The following LRBA variants were observed in gnomAD, a reference collection of about 807,000 sequenced individuals.
LRBA encodes lipopolysaccharide-responsive and beige-like anchor protein.
A neutral mutation model predicts 330.0 loss-of-function variants in LRBA; 176 were observed. The observed-to-expected ratio is 0.53, with a 90% CI of 0.47 to 0.60. The LOEUF (loss-of-function observed/expected upper bound fraction) is 0.60, where lower values mean the gene tolerates loss of function less well. LRBA is among the 20% of genes least tolerant of loss of function. The pLI, the probability that LRBA is intolerant of heterozygous loss-of-function variation, is 0.00. For synonymous variants in LRBA, 1,230 were observed against 1,193.0 expected (o/e 1.03, Z -0.64); for missense variants, 3,259 against 3,444.8 (o/e 0.95, Z 1.35).
At chr4:150,889,326 G>C (rs997416428) in intron 17 of LRBA, among the ~76,000 whole-genome samples, 1 of 151,738 alleles carries the variant, frequency 6.6e-6, no homozygotes, top group Non-Finnish European at 1.5e-5. Flanking sequence ...GGCATAAATG[G>C]CTTAAATGTT....
At chr4:150,306,198 G>A (rs750268622) in intron 52 of LRBA, among the ~76,000 whole-genome samples, 18 of 151,970 alleles carry the variant, frequency 1.2e-4, no homozygotes, top group Non-Finnish European at 2.4e-4. Context: ...GTTGTGGCCC[G>A]AAAACATGAT....
Position 150,893,083 on chromosome 4 carries a change from TCATAGA to T in LRBA, c.2128_2133del (p.Ser710_Met711del). 1.2e-6 allele frequency: 2 copies of T among 1,611,988 alleles called. No homozygotes were observed. The highest frequency in any genetic ancestry group is 8.5e-7 in the Non-Finnish European group (1 of 1,178,670). ...CCATTCCTTTGGTCAAAAGCAGGAA[TCATAGA>T]GTTAGGGTGTTCTGACATTAATGCA... is the stretch of plus-strand genomic sequence containing the variant. On this transcript the variant is annotated inframe_deletion, in exon 17 of 57. Transcript: ENST00000651943.
chr4:150,583,992 G>C lies in LRBA; in HGVS notation c.6330+4056C>G. 6.2e-7 allele frequency: 1 copy of C among 1,614,126 alleles called. No individual in the cohort carries two copies. The highest frequency in any genetic ancestry group is 1.1e-5 in the South Asian group (1 of 91,060). On this transcript the variant is annotated intron_variant, in intron 40 of 56. Transcript: ENST00000651943. This position sits in a 1 kb window ranked among gnomAD's most constrained non-coding sequence, Gnocchi z 9.8. ...GCCGCCGCTGCCCTCACTACTTTCTGCCCAACCTCGACCTCTTTCAGGGCA... is the reference window on the plus strand; with the variant it reads ...GCCGCCGCTGCCCTCACTACTTTCTCCCCAACCTCGACCTCTTTCAGGGCA...
intron 44 of LRBA, among the ~76,000 whole-genome samples, chr4:150,456,910 T>C (rs1204866678): frequency 6.6e-6 from 1 of 152,098 alleles, no homozygotes; most frequent in Admixed American, 6.6e-5. Flanking sequence ...TTCCCAGCAC[T>C]ATTTATTGAA....
chr4:150,879,787 G>T (rs1337493719), intron 17 of LRBA, among the ~76,000 whole-genome samples: 1 of 152,118 alleles, frequency 6.6e-6, no homozygotes, highest in Non-Finnish European at 1.5e-5. Flanking sequence ...AGGATTGGAA[G>T]AATCAATATT....
rs111821270 is a variant in LRBA, at chr4:150,612,204, C to CA, written c.5922-13074dup. Among the ~76,000 whole-genome samples, 193 of 150,512 alleles carry CA rather than the reference C, an allele frequency of 1.3e-3. 3 individuals carry two copies. The highest frequency in any genetic ancestry group is 4.5e-3 in the African/African-American group (185 of 41,138). ...AAGTAACAGGAAGACAAGAAAAGAACAAAAAAAAAGTCACCCTCCATAGCA... is the reference window on the plus strand; with the variant it reads ...AAGTAACAGGAAGACAAGAAAAGAACAAAAAAAAAAGTCACCCTCCATAGCA... On this transcript the variant is annotated intron_variant, in intron 37 of 56. Coordinates refer to ENST00000651943, the MANE Select transcript of LRBA (RefSeq NM_001364905.1).
chr4:150,982,811 T>G (rs1226053356), intron 2 of LRBA, among the ~76,000 whole-genome samples: 1 of 152,168 alleles, frequency 6.6e-6, no homozygotes, highest in Non-Finnish European at 1.5e-5. Flanking sequence ...AGACTATGAA[T>G]GTAATGGAAC....
intron 37 of LRBA, among the ~76,000 whole-genome samples, chr4:150,604,955 A>G (rs921433779): frequency 2.0e-5 from 3 of 152,244 alleles, no homozygotes; most frequent in African/African-American, 4.8e-5. Flanking sequence ...TGCTGTAGGA[A>G]AAAGTGGACA....
intron 13 of LRBA, among the ~76,000 whole-genome samples, chr4:150,900,730 T>C (rs1306065354): frequency 2.6e-5 from 4 of 152,104 alleles, no homozygotes; most frequent in African/African-American, 9.7e-5. Flanking sequence ...ATATAGAGTT[T>C]ACCTTGAAGA....
intron 37 of LRBA, among the ~76,000 whole-genome samples, chr4:150,607,519 A>G (rs1338943048): frequency 6.6e-6 from 1 of 151,456 alleles, no homozygotes; most frequent in African/African-American, 2.4e-5. Context: ...CGCATCCTAG[A>G]TGCCTAATAA....
At chr4:150,557,938 C>T (rs937632153) in intron 40 of LRBA, among the ~76,000 whole-genome samples, 10 of 152,062 alleles carry the variant, frequency 6.6e-5, no homozygotes, top group Admixed American at 6.6e-4. Flanking sequence ...CACTCTGTCA[C>T]CCAGGCTGGA....
At chr4:150,685,714 C>A (rs1468796320) in intron 36 of LRBA, among the ~76,000 whole-genome samples, 1 of 151,540 alleles carries the variant, frequency 6.6e-6, no homozygotes, top group Admixed American at 6.6e-5. Flanking sequence ...CGATTACAGG[C>A]GTGAGCCACC....
intron 2 of LRBA, among the ~76,000 whole-genome samples, chr4:150,958,019 G>A (rs1353678228): frequency 6.7e-6 from 1 of 149,176 alleles, no homozygotes; most frequent in Non-Finnish European, 1.5e-5. Context: ...CACAGTGCAA[G>A]CTGTCAGTGG....
intron 40 of LRBA, among the ~76,000 whole-genome samples, chr4:150,529,697 G>A (rs1763850682): frequency 6.6e-6 from 1 of 151,208 alleles, no homozygotes; most frequent in Admixed American, 6.6e-5. Context: ...ACTCCAGCCT[G>A]GGCTACAGAG....
At chr4:150,850,090 T>C (rs1750421766) in intron 24 of LRBA, among the ~76,000 whole-genome samples, 1 of 151,478 alleles carries the variant, frequency 6.6e-6, no homozygotes, top group South Asian at 2.1e-4. Context: ...GATAATGTTA[T>C]AACAATTTTT....
At chr4:150,899,981 A>G (rs947719787) in intron 14 of LRBA, 68 bp downstream of exon 14, 3 of 1,289,670 alleles carry the variant, frequency 2.3e-6, no homozygotes, top group Admixed American at 4.3e-5. Flanking sequence ...GTACTGGTTA[A>G]AACAAAAAGA....
intron 40 of LRBA, chr4:150,582,806 A>G (rs1300919711): frequency 4.1e-6 from 2 of 484,068 alleles, no homozygotes; most frequent in African/African-American, 3.8e-5. Context: ...TTTCTCCCCT[A>G]ATTCTTCTGC....
intron 37 of LRBA, among the ~76,000 whole-genome samples, chr4:150,656,231 C>T (rs1780173602): frequency 6.6e-6 from 1 of 152,260 alleles, no homozygotes; most frequent in Middle Eastern, 3.4e-3. Flanking sequence ...CTTCTCAGCC[C>T]CCAAGTGAAA....
chr4:150,674,529 G>A (rs1782359148), intron 37 of LRBA, among the ~76,000 whole-genome samples: 1 of 152,048 alleles, frequency 6.6e-6, no homozygotes, highest in Non-Finnish European at 1.5e-5. Flanking sequence ...TGTTTGTAAA[G>A]GGCTCAGTAA....
Sources: allele counts gnomAD v4.1 joint callset (sites outside exome capture counted in the v4.1 genomes callset), GRCh38; gene constraint gnomAD v4.1.1; non-coding constraint Gnocchi (gnomAD v3.1); transcripts MANE v1.5; gene names NCBI Gene and HGNC (gene_info 2026-07-23, HGNC 2026-07-21).